HS6ST3: variants seen among roughly 807,000 people sequenced by gnomAD.
HS6ST3 encodes the protein heparan-sulfate 6-O-sulfotransferase 3.
In HS6ST3, 12 loss-of-function variants were observed where a neutral mutation model predicts 36.7. The observed-to-expected ratio is 0.33, with a 90% confidence interval of 0.21 to 0.53. HS6ST3 has a LOEUF of 0.53. Ranked by LOEUF, HS6ST3 falls within the 20% of genes least tolerant of loss-of-function variation. HS6ST3 has a pLI of 0.95. For missense variants in HS6ST3, 584 were observed against 640.9 expected (o/e 0.91, Z 0.96); for synonymous variants, 240 against 257.5 (o/e 0.93, Z 0.65).
chr13:96,626,866 A>G (rs1175850145), intron 1 of HS6ST3, among the ~76,000 whole-genome samples: 1 of 151,852 alleles, frequency 6.6e-6, no homozygotes, highest in Non-Finnish European at 1.5e-5. Flanking sequence ...TGTTACTGGC[A>G]TATGGAAATG....
intron 1 of HS6ST3, among the ~76,000 whole-genome samples, chr13:96,805,384 T>C (rs4771964): frequency 0.36 from 55,010 of 151,934 alleles, 11,609 homozygotes; most frequent in African/African-American, 0.6. Flanking sequence ...CTTCCCCTTC[T>C]ACCATGATTT....
rs912256093 is a variant in HS6ST3 at position 96,163,713 on chromosome 13, C to G, written c.707+72144C>G. On this transcript the variant is annotated intron_variant, in intron 1 of 1. Coordinates refer to ENST00000376705, the MANE Select transcript of HS6ST3 (RefSeq NM_153456.4). ...ATATATCAATAGCTTAATAAAAAAC[C>G]CTTTTCCCCCCAGCATGGAAATATA... Among the ~76,000 whole-genome samples, 5 of 151,910 alleles carry G rather than the reference C, an allele frequency of 3.3e-5. No individual in the cohort carries two copies. The South Asian group carries it at 1.0e-3, about 32-fold the overall frequency.
chr13:96,476,582 TG>T (rs1215628357), intron 1 of HS6ST3, among the ~76,000 whole-genome samples: 3 of 152,148 alleles, frequency 2.0e-5, no homozygotes, highest in Non-Finnish European at 4.4e-5. Context: ...AGGATCGTCT[TG>T]ATCTCCTGAC....
intron 1 of HS6ST3, among the ~76,000 whole-genome samples, chr13:96,535,229 A>G (rs552360135): frequency 6.6e-6 from 1 of 152,156 alleles, no homozygotes; most frequent in South Asian, 2.1e-4. Flanking sequence ...GGATTCGTAG[A>G]AGATTATTCT....
At chr13:96,144,639 T>G (rs2054047621) in intron 1 of HS6ST3, among the ~76,000 whole-genome samples, 1 of 151,754 alleles carries the variant, frequency 6.6e-6, no homozygotes, top group Non-Finnish European at 1.5e-5. Context: ...TTTTATTTAA[T>G]TAATTTTTAT....
intron 1 of HS6ST3, among the ~76,000 whole-genome samples, chr13:96,173,661 A>G (rs1291318525): frequency 8.0e-6 from 1 of 125,132 alleles, no homozygotes; most frequent in Admixed American, 8.3e-5. Context: ...AGGCAGAGTC[A>G]CAGGTTGTAA....
intron 1 of HS6ST3, among the ~76,000 whole-genome samples, chr13:96,304,714 T>TCTTTCTTTCTTTCTTTCTTTCTTTC (rs1555296788): frequency 8.1e-6 from 1 of 123,554 alleles, no homozygotes. Context: ...TTTCTTTCTT[T>TCTTTCTTTCTTTCTTTCTTTCTTTC]TTTTTTTTTT....
intron 1 of HS6ST3, among the ~76,000 whole-genome samples, chr13:96,495,656 A>T (rs2055971283): frequency 6.6e-6 from 1 of 152,174 alleles, no homozygotes; most frequent in Admixed American, 6.5e-5. Context: ...GACGACTCTA[A>T]TATCATTCTA....
intron 1 of HS6ST3, among the ~76,000 whole-genome samples, chr13:96,519,004 ATAGT>A (rs879784911): frequency 2.0e-5 from 3 of 152,226 alleles, no homozygotes; most frequent in Non-Finnish European, 2.9e-5. Flanking sequence ...TGACTTTAGA[ATAGT>A]TAGAGAGTTT....
At chr13:96,813,560 G>T (rs1878363427) in intron 1 of HS6ST3, among the ~76,000 whole-genome samples, 1 of 152,322 alleles carries the variant, frequency 6.6e-6, no homozygotes, top group East Asian at 1.9e-4. Flanking sequence ...ACTCTCCACT[G>T]TGGAAAATGA....
chr13:96,402,777 C>G (rs1055083334), intron 1 of HS6ST3, among the ~76,000 whole-genome samples: 3 of 152,118 alleles, frequency 2.0e-5, no homozygotes, highest in African/African-American at 7.2e-5. Flanking sequence ...GAGTGGTGTT[C>G]CATTATATGA....
chr13:96,253,106 G>C (rs1466640990), intron 1 of HS6ST3, among the ~76,000 whole-genome samples: 2 of 152,086 alleles, frequency 1.3e-5, no homozygotes, highest in African/African-American at 4.8e-5. Flanking sequence ...TGTGTTGGCT[G>C]GTTGAGAAGG....
intron 1 of HS6ST3, among the ~76,000 whole-genome samples, chr13:96,563,017 A>C (rs1467753669): frequency 2.0e-5 from 3 of 150,382 alleles, no homozygotes; most frequent in African/African-American, 7.5e-5. Context: ...TAGACTGAGC[A>C]ATGGAGCCAG....
chr13:96,653,306 C>T, intron 1 of HS6ST3, among the ~76,000 whole-genome samples: 1 of 152,136 alleles, frequency 6.6e-6, no homozygotes, highest in Admixed American at 6.5e-5. Context: ...ATTTGTTGCA[C>T]TTATCAACCC....
chr13:96,570,443 C>G (rs2056296934), intron 1 of HS6ST3, among the ~76,000 whole-genome samples: 1 of 152,166 alleles, frequency 6.6e-6, no homozygotes, highest in African/African-American at 2.4e-5. Flanking sequence ...ACATTGAAAT[C>G]TCAGGGTGTT....
At chr13:96,264,543 A>G (rs1384539867) in intron 1 of HS6ST3, among the ~76,000 whole-genome samples, 1 of 152,208 alleles carries the variant, frequency 6.6e-6, no homozygotes, top group African/African-American at 2.4e-5. Context: ...AATAATGAAC[A>G]ACCTGGTCTC....
intron 1 of HS6ST3, among the ~76,000 whole-genome samples, chr13:96,537,778 T>C (rs906447664): frequency 6.6e-6 from 1 of 152,214 alleles, no homozygotes; most frequent in African/African-American, 2.4e-5. Flanking sequence ...AGTGAACCAA[T>C]GCTAGGACTG....
chr13:96,381,243 G>T (rs929355064), intron 1 of HS6ST3, among the ~76,000 whole-genome samples: 1 of 152,056 alleles, frequency 6.6e-6, no homozygotes, highest in African/African-American at 2.4e-5. Context: ...ACTAAAATCA[G>T]TAACATTTAT....
chr13:96,486,483 C>T (rs750143253), intron 1 of HS6ST3, among the ~76,000 whole-genome samples: 3 of 152,218 alleles, frequency 2.0e-5, no homozygotes, highest in Non-Finnish European at 4.4e-5. Flanking sequence ...GTCCCACCAA[C>T]AGTGTAAATG....
Sources: allele counts gnomAD v4.1 joint callset (sites outside exome capture counted in the v4.1 genomes callset), GRCh38; gene constraint gnomAD v4.1.1; transcripts MANE v1.5; gene names NCBI Gene and HGNC (gene_info 2026-07-23, HGNC 2026-07-21).